RBBP8NL: variants seen among roughly 807,000 people sequenced by gnomAD.
The protein encoded by RBBP8NL is RBBP8 N-terminal like, also known as RBBP8 N-terminal-like protein.
Under a neutral mutation model 62.2 loss-of-function variants are expected in RBBP8NL, and 59 were observed. That is an observed-to-expected ratio of 0.95 (90% CI 0.77 to 1.18). The LOEUF (loss-of-function observed/expected upper bound fraction) is 1.18. RBBP8NL is among the 50% of genes most tolerant of loss of function. The pLI, the probability that RBBP8NL is intolerant of heterozygous loss-of-function variation, is 0.00. For missense variants in RBBP8NL, 896 were observed against 899.5 expected (o/e 1.00, Z 0.05); for synonymous variants, 412 against 394.1 (o/e 1.05, Z -0.54).
rs752143406 is a variant in RBBP8NL at position 62,415,790 on chromosome 20, T to C, written c.542A>G (p.Glu181Gly). The change falls in exon 7 of 14, where the codon GAA (glutamate) becomes GGA (glycine). Residue 181 changes from glutamate (E) to glycine (G), a missense_variant and splice_region_variant. Physicochemically the swap from Glu to Gly is moderately conservative, Grantham distance 98. Transcript: ENST00000252998. ...EDHQGVGLRG[E>G]EKPAGHRTSP... ...GCCTCACCCGGTCCCCACAGCACCT[T>C]CTCCCCGTAGGCCCACGCCCTGGTG... 3 of 1,611,728 alleles carry C rather than the reference T, an allele frequency of 1.9e-6. No individual in the cohort carries two copies. The South Asian group carries it at 3.3e-5, about 18-fold the overall frequency.
At chr20:62,420,973 T>C (rs577154904) in intron 1 of RBBP8NL, among the ~76,000 whole-genome samples, 1 of 152,362 alleles carries the variant, frequency 6.6e-6, no homozygotes, top group East Asian at 1.9e-4. Context: ...AAATTCCCAG[T>C]GGCCTGGAGA....
At chr20:62,418,587 GAGCCC>G in intron 2 of RBBP8NL, 122 bp from the exon 3 acceptor site, 1 of 1,015,768 alleles carries the variant, frequency 9.8e-7, no homozygotes, top group Non-Finnish European at 1.5e-6. Flanking sequence ...CCCCCTGGGG[GAGCCC>G]TGCCAGGTGA....
chr20:62,426,811 G>A (rs1025666854), intron 1 of RBBP8NL, among the ~76,000 whole-genome samples: 1 of 152,164 alleles, frequency 6.6e-6, no homozygotes, highest in Admixed American at 6.5e-5. Context: ...GCACTCGTGT[G>A]TACACATAAA....
chr20:62,413,363 C>A (rs373250283), intron 11 of RBBP8NL, 38 bp downstream of exon 11: 1 of 1,385,500 alleles, frequency 7.2e-7, no homozygotes. Context: ...GGGGAAAACA[C>A]CTCCCAGCTG....
intron 1 of RBBP8NL, 49 bp from the exon 2 acceptor site, chr20:62,419,779 G>A: frequency 1.1e-6 from 1 of 919,496 alleles, no homozygotes; most frequent in Non-Finnish European, 1.7e-6. Flanking sequence ...AGGGCTTGTG[G>A]GCTGTGGAGT....
intron 3 of RBBP8NL, among the ~76,000 whole-genome samples, chr20:62,418,024 G>T (rs1029167340): frequency 1.3e-5 from 2 of 152,166 alleles, no homozygotes; most frequent in African/African-American, 2.4e-5. Context: ...CGTCTGTCCT[G>T]TCCACGCACC....
rs145696090 is a variant in RBBP8NL at position 62,425,629 on chromosome 20, C to T, written c.-84+1831G>A. Among the ~76,000 whole-genome samples the T allele has an allele frequency of 1.9e-3, 285 of 152,354 alleles. 1 individual carries two copies. Among genetic ancestry groups the T allele is most frequent in the African/African-American group, 5.9e-3 (246 of 41,584 alleles). On this transcript the variant is annotated intron_variant, in intron 1 of 13. Transcript: ENST00000252998. ...CTCTGCTGTCTGAGCAGGAGGCATC[C>T]GGGGCATCACTGGGCTCCCCGCCTC...
chr20:62,418,337 T>G, intron 3 of RBBP8NL, 86 bp downstream of exon 3: 1 of 1,254,204 alleles, frequency 8.0e-7, no homozygotes, highest in Non-Finnish European at 1.1e-6. Flanking sequence ...CATAGGACGG[T>G]GGTAGTGCTG....
In RBBP8NL at chr20:62,412,857, C is replaced by T; in HGVS notation, c.1719G>A (p.Leu573=). The change falls in exon 12 of 14, where the codon CTG becomes CTA. Residue 573 remains leucine, a synonymous_variant. Coordinates refer to ENST00000252998, the MANE Select transcript of RBBP8NL (RefSeq NM_080833.3). ...AEVLRPESDE[L]DETDTPGSEV... ...CGCTGCCTGGGGTGTCTGTCTCATC[C>T]AGTTCGTCGGACTCTGGTCTCAGCA... is the stretch of plus-strand genomic sequence containing the variant. 1 of 1,613,526 alleles carries T rather than the reference C, an allele frequency of 6.2e-7. No homozygotes were observed. Among genetic ancestry groups the T allele is most frequent in the Non-Finnish European group, 8.5e-7 (1 of 1,179,994 alleles).
chr20:62,421,234 C>T (rs188664109), intron 1 of RBBP8NL, among the ~76,000 whole-genome samples: 7 of 151,244 alleles, frequency 4.6e-5, no homozygotes, highest in East Asian at 2.0e-4. Flanking sequence ...TGTGTGTGCA[C>T]GCCCGAGCCA....
rs764766206 is a variant in RBBP8NL, at chr20:62,414,385, C to T, written c.966G>A (p.Leu322=). 18 of 1,542,346 alleles carry T rather than the reference C, an allele frequency of 1.2e-5. No homozygotes were observed. The African/African-American group carries it at 1.9e-4, about 16-fold the overall frequency. The part of the protein sequence containing the change: ...AAPSDPRLQD[L]KAREAEAWEE... ...CCCAGGCCTCTGCTTCTCTGGCCTT[C>T]AGGTCCTGGAGCCGGGGGTCGCTGG... The change falls in exon 10 of 14, where the codon CTG becomes CTA. Residue 322 remains leucine, a synonymous_variant. Transcript: ENST00000252998.
chr20:62,425,334 C>T (rs980578242), intron 1 of RBBP8NL, among the ~76,000 whole-genome samples: 9 of 152,182 alleles, frequency 5.9e-5, no homozygotes, highest in African/African-American at 2.2e-4. Context: ...TGCAGGAGGA[C>T]GCAGCCCTCC....
intron 4 of RBBP8NL, 144 bp from the exon 5 acceptor site, chr20:62,417,016 GC>G: frequency 1.3e-6 from 1 of 745,578 alleles, no homozygotes. Flanking sequence ...CACCCCGTGG[GC>G]TAGGTGTCCC....
chr20:62,422,810 C>T (rs1011184972), intron 1 of RBBP8NL, among the ~76,000 whole-genome samples: 2 of 152,010 alleles, frequency 1.3e-5, no homozygotes, highest in African/African-American at 2.4e-5. Context: ...GGCCTGTGTT[C>T]GGGGGTGGCT....
chr20:62,415,416 A>G, intron 8 of RBBP8NL, 129 bp from the exon 9 acceptor site: 2 of 1,374,690 alleles, frequency 1.5e-6, no homozygotes, highest in Non-Finnish European at 2.0e-6. Flanking sequence ...CTGCACCCCC[A>G]CCCACGCCAA....
chr20:62,414,930 C>A (rs1988527702), intron 9 of RBBP8NL, among the ~76,000 whole-genome samples, 191 bp downstream of exon 9: 1 of 152,240 alleles, frequency 6.6e-6, no homozygotes, highest in African/African-American at 2.4e-5. Flanking sequence ...CATCCCCTGC[C>A]CCCACGCCCC....
chr20:62,412,191 C>T (rs1203567545), intron 13 of RBBP8NL, among the ~76,000 whole-genome samples: 4 of 152,210 alleles, frequency 2.6e-5, no homozygotes, highest in South Asian at 2.1e-4. Context: ...GTGCCTTCTG[C>T]GCTGACCCTG....
In RBBP8NL at chr20:62,419,760, C is replaced by T. The variant is rs1003736265; in HGVS notation, c.-83-30G>A. On this transcript the variant is annotated intron_variant, in intron 1 of 13. Transcript: ENST00000252998. ...AGAGGAGGAAGAGGGGACAGGGATC[C>T]GCTCAGGAAGGGCTTGTGGGCTGTG... 38 of 1,198,188 alleles carry T rather than the reference C, an allele frequency of 3.2e-5. No individual in the cohort carries two copies. In the East Asian group the frequency reaches 4.8e-4, roughly 15 times the overall value. 74.2% of individuals were successfully genotyped at this position (1,198,188 alleles called of 1,614,324 possible).
At chr20:62,426,090 AGCAGCG>A (rs1383890083) in intron 1 of RBBP8NL, among the ~76,000 whole-genome samples, 3 of 147,422 alleles carry the variant, frequency 2.0e-5, no homozygotes, top group Admixed American at 6.7e-5. Context: ...CAGTGGAAGT[AGCAGCG>A]GCAGCGGCAG....
Sources: allele counts gnomAD v4.1 joint callset (sites outside exome capture counted in the v4.1 genomes callset), GRCh38; gene constraint gnomAD v4.1.1; transcripts MANE v1.5; gene names NCBI Gene and HGNC (gene_info 2026-07-23, HGNC 2026-07-21).